Variants in ALG6 observed in about 807,000 individuals in gnomAD.
The protein encoded by ALG6 is dolichyl pyrophosphate Man9GlcNAc2 alpha-1,3-glucosyltransferase.
A neutral mutation model predicts 66.6 loss-of-function variants in ALG6; 46 were observed. The ratio of observed to expected loss-of-function variants is 0.69; its 90% CI spans 0.55 to 0.88. ALG6 has a LOEUF of 0.88. Among genes scored for constraint, ALG6 ranks in the 40% least tolerant of loss-of-function variants. The pLI, the probability that ALG6 is intolerant of heterozygous loss-of-function variation, is 0.00. For missense variants in ALG6, 505 were observed against 586.8 expected (o/e 0.86, Z 1.44); for synonymous variants, 185 against 203.7 (o/e 0.91, Z 0.78).
In ALG6 at chr1:63,373,372, G is replaced by A. The variant is rs185636004; in HGVS notation, c.82+2313G>A. On this transcript the variant is annotated intron_variant, in intron 2 of 14. Coordinates refer to ENST00000263440, the MANE Select transcript of ALG6 (RefSeq NM_013339.4). Reference sequence around the variant, plus strand: ...CATTTTTTTTTGGGGGGAGGCTAAGGTGGGTGGATTGCCTGAGCTCAGGAG... The same window carrying A: ...CATTTTTTTTTGGGGGGAGGCTAAGATGGGTGGATTGCCTGAGCTCAGGAG... 4.8e-4 allele frequency among the ~76,000 whole-genome samples: 73 copies of A among 151,614 alleles called. 1 individual carries two copies. Among genetic ancestry groups the A allele is most frequent in the African/African-American group, 1.7e-3 (69 of 41,398 alleles).
Position 63,437,103 on chromosome 1 carries a change from A to G in ALG6, c.*83A>G, listed in dbSNP as rs553685629. The G allele has an allele frequency of 8.3e-7, 1 of 1,211,834 alleles. No homozygotes were observed. The highest frequency in any genetic ancestry group is 1.5e-5 in the African/African-American group (1 of 66,204). The allele number at this position is 1,211,834 out of a possible 1,614,324, so 75.1% of individuals were successfully genotyped here. On this transcript the variant is annotated 3_prime_UTR_variant, in exon 15 of 15. Transcript: ENST00000263440. Reference sequence around the variant, plus strand: ...AGGTTTTGTGAACTTTTTGCTATGTATAAATGAAATTACCATTTTGAGAAC... The same window carrying G: ...AGGTTTTGTGAACTTTTTGCTATGTGTAAATGAAATTACCATTTTGAGAAC...
rs756370228 is a variant in ALG6 at position 63,415,853 on chromosome 1, G to A, written c.903-20G>A. 1.3e-6 allele frequency: 2 copies of A among 1,497,732 alleles called. No individual in the cohort carries two copies. The highest frequency in any genetic ancestry group is 1.4e-5 in the African/African-American group (1 of 72,262). 92.8% of individuals were successfully genotyped at this position (1,497,732 alleles called of 1,614,324 possible). A position where few individuals can be genotyped will look rare whatever the true frequency, so the allele number is the denominator to read the frequency against. ...ACCTCTACAAAGAAGACAAATATTT[G>A]ATTTGTATTAATTTTTTAGCTTTTG... On this transcript the variant is annotated intron_variant, in intron 10 of 14. Transcript: ENST00000263440.
intron 2 of ALG6, among the ~76,000 whole-genome samples, chr1:63,373,213 C>T (rs1229597174): frequency 2.0e-5 from 3 of 150,802 alleles, no homozygotes; most frequent in African/African-American, 7.3e-5. Context: ...CACCATGTTG[C>T]CCAGGCTGGT....
At chr1:63,416,765 T>C (rs1025601181) in intron 11 of ALG6, among the ~76,000 whole-genome samples, 5 of 152,182 alleles carry the variant, frequency 3.3e-5, no homozygotes, top group Non-Finnish European at 7.3e-5. Flanking sequence ...CTTTACAAAG[T>C]CTTCTTGGTT....
chr1:63,402,420 T>G lies in ALG6; in HGVS notation c.257+77T>G, dbSNP rs566888399. On this transcript the variant is annotated intron_variant, in intron 4 of 14. Transcript: ENST00000263440. ...TTAGTAAGAAGCAGTGTGATGGGGC[T>G]TTCTTGACTAGAGGAGAGATTGCTT... The G allele has an allele frequency of 4.8e-3, 4,133 of 858,870 alleles. 14 individuals are homozygous for G. The highest frequency in any genetic ancestry group is 5.8e-3 in the Non-Finnish European group (2,995 of 512,410). The allele number at this position is 858,870 out of a possible 1,614,324, so 53.2% of individuals were successfully genotyped here.
At chr1:63,432,120 T>C (rs1191341324) in intron 14 of ALG6, among the ~76,000 whole-genome samples, 20 of 152,202 alleles carry the variant, frequency 1.3e-4, no homozygotes, top group Admixed American at 1.3e-3. Flanking sequence ...CCATTAACTA[T>C]GATGTTAACT....
At chr1:63,373,092 C>G (rs1647987985) in intron 2 of ALG6, among the ~76,000 whole-genome samples, 1 of 152,042 alleles carries the variant, frequency 6.6e-6, no homozygotes, top group African/African-American at 2.4e-5. Context: ...ATGGCAGCCT[C>G]CGCCTCCTTG....
At chr1:63,400,121 G>C (rs1644439128) in intron 3 of ALG6, among the ~76,000 whole-genome samples, 1 of 145,742 alleles carries the variant, frequency 6.9e-6, no homozygotes, top group South Asian at 2.2e-4. Context: ...TTGAACCTGG[G>C]AGGCGGAGGT....
intron 3 of ALG6, among the ~76,000 whole-genome samples, chr1:63,400,373 A>G (rs1407387324): frequency 7.4e-6 from 1 of 135,996 alleles, no homozygotes; most frequent in Non-Finnish European, 1.5e-5. Context: ...ATATATATGT[A>G]TATATATATA....
In ALG6 at chr1:63,370,823, A is replaced by G. The variant is rs1647899441; in HGVS notation, c.-155A>G. ...TTTGACTATTTGGAAACCAAGCATC[A>G]TTAAAATTCTCTCAAACTCCTAATT... is the stretch of plus-strand genomic sequence containing the variant. On this transcript the variant is annotated 5_prime_UTR_variant, in exon 2 of 15. Transcript: ENST00000263440. 1 of 675,538 alleles carries G rather than the reference A, an allele frequency of 1.5e-6. No individual in the cohort carries two copies. The highest frequency in any genetic ancestry group is 1.8e-5 in the African/African-American group (1 of 55,680). The allele number at this position is 675,538 out of a possible 1,614,324, so 41.8% of individuals were successfully genotyped here.
At chr1:63,388,157 G>T (rs1481177663) in intron 2 of ALG6, among the ~76,000 whole-genome samples, 1 of 151,798 alleles carries the variant, frequency 6.6e-6, no homozygotes, top group African/African-American at 2.4e-5. Flanking sequence ...GACCTCAAGT[G>T]ATCTGCCCAC....
chr1:63,393,992 T>C (rs1372589978), intron 2 of ALG6, among the ~76,000 whole-genome samples: 1 of 152,234 alleles, frequency 6.6e-6, no homozygotes, highest in Non-Finnish European at 1.5e-5. Context: ...AATCACTCAA[T>C]GTATATATGC....
chr1:63,376,781 C>G (rs771064313), intron 2 of ALG6, among the ~76,000 whole-genome samples: 1 of 152,104 alleles, frequency 6.6e-6, no homozygotes, highest in Non-Finnish European at 1.5e-5. Context: ...AATGTGTAAT[C>G]TCTAGTTTAA....
chr1:63,388,704 C>T (rs1648580126), intron 2 of ALG6, among the ~76,000 whole-genome samples: 1 of 152,072 alleles, frequency 6.6e-6, no homozygotes, highest in South Asian at 2.1e-4. Context: ...TTATTAATGC[C>T]CTTTTCTTTC....
rs145226796 is a variant in ALG6 at position 63,368,783 on chromosome 1, G to A, written c.-208+1096G>A. ...CCCAAAGTGCTGGGATTACAGGGGT[G>A]AACCACTGCGCCCAGCCCCTTTTAT... On this transcript the variant is annotated intron_variant, in intron 1 of 14. Coordinates refer to ENST00000263440, the MANE Select transcript of ALG6 (RefSeq NM_013339.4). Among the ~76,000 whole-genome samples the A allele has an allele frequency of 8.5e-5, 13 of 152,254 alleles. No homozygotes were observed. The East Asian group carries it at 2.5e-3, about 29-fold the overall frequency.
intron 10 of ALG6, 73 bp from the exon 11 acceptor site, chr1:63,415,800 A>AAT: frequency 1.1e-6 from 1 of 894,208 alleles, no homozygotes; most frequent in Non-Finnish European, 1.7e-6. Context: ...ATATTTAAAA[A>AAT]ATATTTCCTT....
At chr1:63,396,411 A>G (rs1648827671) in intron 2 of ALG6, 102 bp from the exon 3 acceptor site, 3 of 983,352 alleles carry the variant, frequency 3.1e-6, no homozygotes, top group Admixed American at 3.8e-5. Flanking sequence ...TCTTTCTGTA[A>G]CCTACACTGC....
At chr1:63,428,218 T>A (rs1644627251) in intron 12 of ALG6, 2 of 152,716 alleles carry the variant, frequency 1.3e-5, no homozygotes. Context: ...TTCTTCCTCC[T>A]TTTAATTTTA....
At chr1:63,386,771 G>T (rs893782087) in intron 2 of ALG6, among the ~76,000 whole-genome samples, 3 of 151,554 alleles carry the variant, frequency 2.0e-5, no homozygotes, top group African/African-American at 7.3e-5. Flanking sequence ...TTTTTGTTTT[G>T]TTGATCTTTC....
Sources: gnomAD v4.1 joint callset for allele counts (sites outside exome capture counted in the v4.1 genomes callset) on GRCh38, gnomAD v4.1.1 for gene constraint, MANE v1.5 for transcripts, NCBI Gene and HGNC (gene_info 2026-07-23, HGNC 2026-07-21) for gene names.